TRANK1: variants seen among roughly 807,000 people sequenced by gnomAD.
TRANK1 encodes the protein TPR and ankyrin repeat-containing protein 1.
A neutral mutation model predicts 266.0 loss-of-function variants in TRANK1; 198 were observed. The ratio of observed to expected loss-of-function variants is 0.74; its 90% confidence interval spans 0.66 to 0.84. TRANK1 has a LOEUF of 0.84. Among genes scored for constraint, TRANK1 ranks in the 40% least tolerant of loss-of-function variants. The pLI is 0.00. For synonymous variants in TRANK1, 1,396 were observed against 1,384.1 expected (o/e 1.01, Z -0.19); for missense variants, 3,326 against 3,634.6 (o/e 0.92, Z 2.18).
chr3:36,876,174 C>T (rs1330627433), intron 8 of TRANK1, among the ~76,000 whole-genome samples: 1 of 152,230 alleles, frequency 6.6e-6, no homozygotes, highest in African/African-American at 2.4e-5. Context: ...TGAGACAGCA[C>T]CTCCTCTCTC....
chr3:36,937,690 T>C (rs753010703), intron 1 of TRANK1, among the ~76,000 whole-genome samples: 3 of 152,174 alleles, frequency 2.0e-5, no homozygotes, highest in Non-Finnish European at 4.4e-5. Flanking sequence ...CAACCACAGA[T>C]TACTCATAAA....
rs1207332782 is a variant in TRANK1 at position 36,879,743 on chromosome 3, A to AATATATAAATATATATAAAT, written c.908-5467_908-5448dup. 3.8e-5 allele frequency among the ~76,000 whole-genome samples: 4 copies of AATATATAAATATATATAAAT among 105,376 alleles called. 1 individual carries two copies. Among genetic ancestry groups the AATATATAAATATATATAAAT allele is most frequent in the East Asian group, 6.8e-4 (2 of 2,952 alleles). 69.1% of individuals were successfully genotyped at this position (105,376 alleles called of 152,430 possible). A position where few individuals can be genotyped will look rare whatever the true frequency, so the allele number is the denominator to read the frequency against. On this transcript the variant is annotated intron_variant, in intron 8 of 23. Coordinates refer to ENST00000645898, the MANE Select transcript of TRANK1 (RefSeq NM_001329998.2). ...ATATATAAATATATATAAATATACA[A>AATATATAAATATATATAAAT]ATATATAAATATATATAAATATATA...
rs1331384555 is a variant in TRANK1 at position 36,944,796 on chromosome 3, C to G, written c.14G>C (p.Arg5Pro). ...CCGCGCCGCTACGCACCTAGCTGCC[C>G]GCGGGTCCCACATGGCTGCGGCCGG... Reference protein sequence around the residue: MWDPRAARMDLTAYA... With the variant: MWDPPAARMDLTAYA... Residue 5 changes from arginine to proline, a missense_variant, in exon 1 of 24, where the codon CGG becomes CCG. Arg to Pro is a moderately radical substitution (Grantham distance 103, BLOSUM62 -2). Transcript: ENST00000645898. The G allele has an allele frequency of 6.7e-7, 1 of 1,493,504 alleles. No homozygotes were observed. The highest frequency in any genetic ancestry group is 8.9e-7 in the Non-Finnish European group (1 of 1,128,610). 92.5% of individuals were successfully genotyped at this position (1,493,504 alleles called of 1,614,324 possible). A position where few individuals can be genotyped will look rare whatever the true frequency, so the allele number is the denominator to read the frequency against.
intron 8 of TRANK1, among the ~76,000 whole-genome samples, chr3:36,888,150 T>G (rs958216555): frequency 3.9e-5 from 6 of 152,252 alleles, no homozygotes; most frequent in Admixed American, 6.5e-5. Flanking sequence ...TACAATAGAC[T>G]ATTATTTGGC....
chr3:36,833,960 C>A (rs758556713), intron 21 of TRANK1, 41 bp from the exon 22 acceptor site: 1 of 1,535,972 alleles, frequency 6.5e-7, no homozygotes, highest in Non-Finnish European at 8.7e-7. Context: ...TGCCATCACC[C>A]AATCAATAGA....
At chr3:36,859,830 T>A (rs549111079) in intron 11 of TRANK1, among the ~76,000 whole-genome samples, 12 of 152,158 alleles carry the variant, frequency 7.9e-5, no homozygotes, top group African/African-American at 2.9e-4. Context: ...AAAGTAACAC[T>A]CCACTTAAGG....
chr3:36,895,255 C>T (rs1363020220), intron 5 of TRANK1, among the ~76,000 whole-genome samples: 2 of 152,102 alleles, frequency 1.3e-5, no homozygotes, highest in African/African-American at 4.8e-5. Context: ...TGTTAGCAGC[C>T]CCTCAAAACC....
chr3:36,892,813 G>T, intron 6 of TRANK1, 88 bp downstream of exon 6: 1 of 469,956 alleles, frequency 2.1e-6, no homozygotes, highest in Non-Finnish European at 3.0e-6. Context: ...GGGCGAAAGG[G>T]CGAGACTCAG....
chr3:36,909,273 A>G (rs935539914), intron 1 of TRANK1, among the ~76,000 whole-genome samples: 3 of 152,188 alleles, frequency 2.0e-5, no homozygotes, highest in East Asian at 1.9e-4. Flanking sequence ...TGGTGTAACA[A>G]TTGAATGCCA....
chr3:36,942,066 A>G (rs982428855), intron 1 of TRANK1, among the ~76,000 whole-genome samples: 8 of 152,224 alleles, frequency 5.3e-5, no homozygotes, highest in Admixed American at 1.3e-4. Context: ...TTCCCCAAAC[A>G]GGAGGACTGC....
rs905260911 is a variant in TRANK1 at position 36,838,632 on chromosome 3, A to T, written c.5365T>A (p.Ser1789Thr). The T allele has an allele frequency of 1.2e-6, 2 of 1,613,820 alleles. No individual in the cohort carries two copies. Among genetic ancestry groups the T allele is most frequent in the African/African-American group, 2.7e-5 (2 of 74,934 alleles). ...LAHDTALSMK[S>T]KKVSPKEKQL... ...TCTTACTTGGGGCTGACTTTCTTGGATTTCATGCTCAGGGCAGTGTCATGG... is the reference window on the plus strand; with the variant it reads ...TCTTACTTGGGGCTGACTTTCTTGGTTTTCATGCTCAGGGCAGTGTCATGG... Residue 1789 changes from serine to threonine, a missense_variant, in exon 19 of 24, where the codon TCC becomes ACC. Transcript: ENST00000645898.
chr3:36,898,028 G>A (rs1326466287), intron 4 of TRANK1, among the ~76,000 whole-genome samples: 2 of 152,210 alleles, frequency 1.3e-5, no homozygotes, highest in African/African-American at 2.4e-5. Flanking sequence ...CTGCAGTGCC[G>A]GGTATTGAGC....
chr3:36,846,471 A>G, intron 16 of TRANK1, 67 bp from the exon 17 acceptor site: 2 of 1,511,096 alleles, frequency 1.3e-6, no homozygotes, highest in Admixed American at 4.2e-5. Flanking sequence ...ACACACTTCA[A>G]TGGGCTTACT....
At position 36,851,710 on chromosome 3, in the gene TRANK1, G is replaced by A. The variant is rs1486100922; in HGVS notation, c.4887+9C>T. The A allele has an allele frequency of 1.2e-6, 2 of 1,605,086 alleles. No homozygotes were observed. Among genetic ancestry groups the A allele is most frequent in the East Asian group, 2.2e-5 (1 of 44,832 alleles). On this transcript the variant is annotated intron_variant, in intron 15 of 23. Transcript: ENST00000645898. The stretch of plus-strand genomic sequence containing the variant: ...ATTCATTGTGTGAAAAGAATTAGGT[G>A]TGACATACCTCAGAATCAGTAAAAA...
intron 8 of TRANK1, among the ~76,000 whole-genome samples, chr3:36,879,438 T>A (rs2079440576): frequency 6.7e-6 from 1 of 150,220 alleles, no homozygotes; most frequent in Admixed American, 6.7e-5. Context: ...ACCCAACAAC[T>A]CTCCCAATAC....
chr3:36,861,256 G>T (rs1363263229), intron 10 of TRANK1, 96 bp from the exon 11 acceptor site: 1 of 1,371,464 alleles, frequency 7.3e-7, no homozygotes, highest in African/African-American at 1.5e-5. Flanking sequence ...AATTAACACG[G>T]ATTATATAAA....
chr3:36,879,882 A>T lies in TRANK1; in HGVS notation c.908-5586T>A, dbSNP rs1421278870. On this transcript the variant is annotated intron_variant, in intron 8 of 23. Coordinates refer to ENST00000645898, the MANE Select transcript of TRANK1 (RefSeq NM_001329998.2). Reference sequence around the variant, plus strand: ...CAAATATATGTAAACATACAAATATATGTAAACATGCAAATATATGTAAAC... The same window carrying T: ...CAAATATATGTAAACATACAAATATTTGTAAACATGCAAATATATGTAAAC... Among the ~76,000 whole-genome samples the T allele has an allele frequency of 8.3e-4, 75 of 90,100 alleles. 13 individuals are homozygous for T. The highest frequency in any genetic ancestry group is 1.9e-3 in the African/African-American group (33 of 17,162). The allele number at this position is 90,100 out of a possible 152,430, so 59.1% of individuals were successfully genotyped here.
rs1409272139 is a variant in TRANK1, at chr3:36,832,760, T to C, written c.6823A>G (p.Lys2275Glu). ...GACAACACTCTCTGATGGAAATGCT[T>C]AGGGAAAAGGACATCCAGAATGGAC... is the stretch of plus-strand genomic sequence containing the variant. Reference protein sequence around the residue: ...CKSILDVLFPKHFHQRVLSEN... With the variant: ...CKSILDVLFPEHFHQRVLSEN... The change falls in exon 22 of 24, where the codon AAG (lysine) becomes GAG (glutamate). Residue 2275 changes from lysine to glutamate, a missense_variant. Coordinates refer to ENST00000645898, the MANE Select transcript of TRANK1 (RefSeq NM_001329998.2). 1 of 1,613,872 alleles carries C rather than the reference T, an allele frequency of 6.2e-7. No homozygotes were observed. Among genetic ancestry groups the C allele is most frequent in the Non-Finnish European group, 8.5e-7 (1 of 1,179,886 alleles).
At chr3:36,876,058 G>C (rs779249149) in intron 8 of TRANK1, among the ~76,000 whole-genome samples, 1 of 152,198 alleles carries the variant, frequency 6.6e-6, no homozygotes, top group Non-Finnish European at 1.5e-5. Context: ...AATTCTTTAA[G>C]GGGGGATAAG....
Sources: allele counts gnomAD v4.1 joint callset (sites outside exome capture counted in the v4.1 genomes callset), GRCh38; gene constraint gnomAD v4.1.1; transcripts MANE v1.5; gene names NCBI Gene and HGNC (gene_info 2026-07-23, HGNC 2026-07-21).